The following CACNA2D1 variants were observed in gnomAD, a reference collection of about 807,000 sequenced individuals.
CACNA2D1 encodes the protein voltage-dependent calcium channel subunit alpha-2/delta-1.
A neutral mutation model predicts 171.5 loss-of-function variants in CACNA2D1; 53 were observed. The observed-to-expected ratio is 0.31, with a 90% CI of 0.25 to 0.39. CACNA2D1 has a LOEUF of 0.39. CACNA2D1 is among the 10% of genes least tolerant of loss of function. The probability of loss-of-function intolerance (pLI) is 1.00; values close to 1 mark genes in which losing one functional copy is unlikely to be tolerated. For synonymous variants in CACNA2D1, 442 were observed against 443.1 expected (o/e 1.00, Z 0.03); for missense variants, 903 against 1,299.8 (o/e 0.69, Z 4.69).
intron 21 of CACNA2D1, among the ~76,000 whole-genome samples, chr7:81,985,288 A>G (rs1321626195): frequency 6.7e-6 from 1 of 150,018 alleles, no homozygotes; most frequent in Non-Finnish European, 1.5e-5. Context: ...CACAGCCTAA[A>G]TCCCCTGGGC....
chr7:82,030,876 T>C (rs1802608837), intron 12 of CACNA2D1, among the ~76,000 whole-genome samples: 1 of 151,974 alleles, frequency 6.6e-6, no homozygotes, highest in Non-Finnish European at 1.5e-5. Flanking sequence ...TAAACTTTTG[T>C]TATATTTGAG....
intron 1 of CACNA2D1, among the ~76,000 whole-genome samples, chr7:82,382,402 T>G: frequency 6.6e-6 from 1 of 152,224 alleles, no homozygotes; most frequent in Admixed American, 6.5e-5. Flanking sequence ...ATTCCCAGAT[T>G]AGTTTGTGAC....
At chr7:82,115,278 A>T (rs1788911067) in intron 6 of CACNA2D1, among the ~76,000 whole-genome samples, 2 of 152,086 alleles carry the variant, frequency 1.3e-5, no homozygotes, top group Non-Finnish European at 2.9e-5. Context: ...AGTGGAAAAT[A>T]TATTATTCAA....
intron 1 of CACNA2D1, among the ~76,000 whole-genome samples, chr7:82,350,336 C>T (rs1819709177): frequency 6.6e-6 from 1 of 152,152 alleles, no homozygotes; most frequent in South Asian, 2.1e-4. Flanking sequence ...ACATACTACA[C>T]CACCACAAAT....
At chr7:82,107,363 C>T (rs78489742) in intron 6 of CACNA2D1, among the ~76,000 whole-genome samples, 6 of 152,050 alleles carry the variant, frequency 3.9e-5, no homozygotes, top group East Asian at 1.9e-4. Flanking sequence ...CTACAAGGCC[C>T]GCCATCTACC....
chr7:81,955,960 C>CTATATATATATA (rs764892530), intron 38 of CACNA2D1, among the ~76,000 whole-genome samples: 1 of 65,826 alleles, frequency 1.5e-5, no homozygotes, highest in East Asian at 5.7e-4. Flanking sequence ...GTCACTGTTG[C>CTATATATATATA]TATATATATA....
intron 18 of CACNA2D1, among the ~76,000 whole-genome samples, chr7:82,003,889 G>T (rs1425952512): frequency 6.6e-6 from 1 of 151,902 alleles, no homozygotes; most frequent in Non-Finnish European, 1.5e-5. Context: ...GGGATTATAG[G>T]CATGTGCCAC....
intron 1 of CACNA2D1, among the ~76,000 whole-genome samples, chr7:82,390,137 G>A (rs1277100832): frequency 6.6e-6 from 1 of 152,136 alleles, no homozygotes; most frequent in Non-Finnish European, 1.5e-5. Context: ...ACAATCAGTA[G>A]AACACTCTAC....
chr7:82,064,591 T>C (rs1807376997), intron 8 of CACNA2D1, among the ~76,000 whole-genome samples: 3 of 152,150 alleles, frequency 2.0e-5, no homozygotes, highest in Admixed American at 2.0e-4. Flanking sequence ...TTGATATTTA[T>C]AACAGAAGAT....
intron 3 of CACNA2D1, among the ~76,000 whole-genome samples, chr7:82,306,764 G>A (rs996019680): frequency 6.6e-6 from 1 of 151,746 alleles, no homozygotes; most frequent in African/African-American, 2.4e-5. Context: ...CAAGTAAAAG[G>A]CTTATTAGCT....
intron 3 of CACNA2D1, among the ~76,000 whole-genome samples, chr7:82,217,342 GC>G (rs1801215129): frequency 1.5e-5 from 1 of 66,518 alleles, no homozygotes; most frequent in Admixed American, 2.1e-4. Context: ...GTTGCATCCT[GC>G]CTTTTTAAAA....
intron 4 of CACNA2D1, among the ~76,000 whole-genome samples, chr7:82,139,980 G>A (rs1188387387): frequency 8.9e-6 from 1 of 112,314 alleles, no homozygotes; most frequent in African/African-American, 4.2e-5. Context: ...TATTATTAAC[G>A]GTGTTTCATT....
intron 3 of CACNA2D1, among the ~76,000 whole-genome samples, chr7:82,237,517 A>C (rs1803748606): frequency 6.6e-6 from 1 of 151,956 alleles, no homozygotes; most frequent in Admixed American, 6.6e-5. Context: ...CTCAAACCTT[A>C]TTCGTTTAAG....
rs916778144 is a variant in CACNA2D1 at position 82,029,661 on chromosome 7, A to G, written c.1143+3136T>C. On this transcript the variant is annotated intron_variant, in intron 12 of 38. Coordinates refer to ENST00000356860, the MANE Select transcript of CACNA2D1 (RefSeq NM_000722.4). ...GAGAGGTCATGCCAAAGCTATATAC[A>G]TGGTTCCTTGTTCCTGGAGGGGATA... 29 of 151,788 alleles carry G rather than the reference A, an allele frequency of 1.9e-4. 1 individual carries two copies. The highest frequency in any genetic ancestry group is 3.7e-4 in the Non-Finnish European group (25 of 67,846). The allele number at this position is 151,788 out of a possible 1,614,324, so 9.4% of individuals were successfully genotyped here.
intron 4 of CACNA2D1, among the ~76,000 whole-genome samples, chr7:82,146,130 A>C (rs1309468932): frequency 1.3e-5 from 2 of 151,808 alleles, no homozygotes; most frequent in African/African-American, 4.8e-5. Flanking sequence ...GTCACATCGA[A>C]AGATAATAGA....
chr7:82,036,998 G>A (rs1001793621), intron 11 of CACNA2D1, among the ~76,000 whole-genome samples: 13 of 152,252 alleles, frequency 8.5e-5, no homozygotes, highest in African/African-American at 3.1e-4. Flanking sequence ...TGAGGTACAT[G>A]TCATAGTGAC....
chr7:82,125,097 C>T (rs1183486052), intron 5 of CACNA2D1, among the ~76,000 whole-genome samples: 1 of 152,102 alleles, frequency 6.6e-6, no homozygotes, highest in Non-Finnish European at 1.5e-5. Flanking sequence ...TTAATGTAGA[C>T]AAGACTCTGC....
chr7:82,389,323 T>C, intron 1 of CACNA2D1, among the ~76,000 whole-genome samples: 1 of 152,026 alleles, frequency 6.6e-6, no homozygotes, highest in South Asian at 2.1e-4. Context: ...CTGTTATCTC[T>C]GCCACCCTGC....
At chr7:81,991,122 G>T (rs1797499269) in intron 21 of CACNA2D1, 63 bp downstream of exon 21, 1 of 836,888 alleles carries the variant, frequency 1.2e-6, no homozygotes, top group African/African-American at 1.7e-5. Flanking sequence ...ATTCACTTGT[G>T]AAAATGCAGA....
Sources: gnomAD v4.1 joint callset for allele counts (sites outside exome capture counted in the v4.1 genomes callset) on GRCh38, gnomAD v4.1.1 for gene constraint, MANE v1.5 for transcripts, NCBI Gene and HGNC (gene_info 2026-07-23, HGNC 2026-07-21) for gene names.